Variants in INSR observed in about 807,000 individuals in gnomAD.
INSR encodes the protein insulin receptor, also known as IR.
In INSR, 67 loss-of-function variants were observed where a neutral mutation model predicts 142.6. The ratio of observed to expected loss-of-function variants is 0.47; its 90% CI spans 0.39 to 0.58. The LOEUF (loss-of-function observed/expected upper bound fraction) is 0.58. Among genes scored for constraint, INSR ranks in the 20% least tolerant of loss-of-function variants. INSR has a pLI of 0.00. For synonymous variants in INSR, 756 were observed against 743.1 expected (o/e 1.02, Z -0.28); for missense variants, 1,248 against 1,833.2 (o/e 0.68, Z 5.83).
chr19:7,169,544 C>G (rs1973963697), intron 6 of INSR, among the ~76,000 whole-genome samples: 1 of 147,934 alleles, frequency 6.8e-6, no homozygotes, highest in Non-Finnish European at 1.5e-5. Flanking sequence ...CCACTGCACT[C>G]CAGCCCTGGG....
chr19:7,232,144 G>A (rs1975999648), intron 2 of INSR, among the ~76,000 whole-genome samples: 1 of 152,090 alleles, frequency 6.6e-6, no homozygotes, highest in South Asian at 2.1e-4. Flanking sequence ...TTTCAGTGGT[G>A]GTTACACAGG....
chr19:7,167,858 A>G lies in INSR; in HGVS notation c.1610+110T>C, dbSNP rs1459552999. 3.9e-6 allele frequency: 5 copies of G among 1,286,026 alleles called. No homozygotes were observed. The African/African-American group carries it at 4.4e-5, about 11-fold the overall frequency. The allele number at this position is 1,286,026 out of a possible 1,614,324, so 79.7% of individuals were successfully genotyped here. A position where few individuals can be genotyped will look rare whatever the true frequency, so the allele number is the denominator to read the frequency against. On this transcript the variant is annotated intron_variant, in intron 7 of 21. Coordinates refer to ENST00000302850, the MANE Select transcript of INSR (RefSeq NM_000208.4). ...AACCTAAGATATTTATTCCAGGAGGAGGAGGGAGATAGACAGGAACCCAAG... is the reference window on the plus strand; with the variant it reads ...AACCTAAGATATTTATTCCAGGAGGGGGAGGGAGATAGACAGGAACCCAAG...
At chr19:7,240,998 C>T (rs796338682) in intron 2 of INSR, among the ~76,000 whole-genome samples, 2 of 152,116 alleles carry the variant, frequency 1.3e-5, no homozygotes, top group African/African-American at 4.8e-5. Flanking sequence ...CTGGCATTGA[C>T]GTGTGTACAA....
At position 7,200,299 on chromosome 19, in the gene INSR, T is replaced by C. The variant is rs770553845; in HGVS notation, c.653-15662A>G. ...TGAAGCCATCGGGGAGGTGGAGGTGTCAGGACTTACCTGCTGGATGACGCC... is the reference window on the plus strand; with the variant it reads ...TGAAGCCATCGGGGAGGTGGAGGTGCCAGGACTTACCTGCTGGATGACGCC... On this transcript the variant is annotated intron_variant, in intron 2 of 21. Transcript: ENST00000302850. 5.3e-4 allele frequency among the ~76,000 whole-genome samples: 81 copies of C among 152,074 alleles called. 1 individual carries two copies. Among genetic ancestry groups the C allele is most frequent in the Non-Finnish European group, 1.1e-3 (74 of 68,018 alleles).
intron 13 of INSR, among the ~76,000 whole-genome samples, chr19:7,141,104 G>C: frequency 6.6e-6 from 1 of 152,180 alleles, no homozygotes; most frequent in Admixed American, 6.5e-5. Flanking sequence ...GCGCAATGGT[G>C]CAATCTCTGC....
chr19:7,209,523 T>A lies in INSR; in HGVS notation c.653-24886A>T, dbSNP rs147993395. On this transcript the variant is annotated intron_variant, in intron 2 of 21. Transcript: ENST00000302850. ...GCCTCGACTTCCCAGGCTTAACTGA[T>A]CCTCCTGCCTCAGCCTCTCGAGTAA... is the stretch of plus-strand genomic sequence containing the variant. Among the ~76,000 whole-genome samples the A allele has an allele frequency of 8.1e-3, 1,229 of 152,146 alleles. 13 individuals are homozygous for A. Among genetic ancestry groups the A allele is most frequent in the Middle Eastern group, 0.044 (13 of 294 alleles).
intron 2 of INSR, among the ~76,000 whole-genome samples, chr19:7,204,429 T>C (rs1975048454): frequency 6.6e-6 from 1 of 152,120 alleles, no homozygotes; most frequent in African/African-American, 2.4e-5. Context: ...AGGAGCCTCA[T>C]GGCCTCGTTT....
chr19:7,130,578 G>C (rs1972751987), intron 14 of INSR, among the ~76,000 whole-genome samples: 1 of 152,158 alleles, frequency 6.6e-6, no homozygotes. Context: ...TGTTTAAGAA[G>C]TGTGTAGCAC....
intron 2 of INSR, among the ~76,000 whole-genome samples, chr19:7,236,337 G>A (rs1976158493): frequency 1.3e-5 from 2 of 152,036 alleles, no homozygotes; most frequent in African/African-American, 2.4e-5. Flanking sequence ...GAGATATGAA[G>A]GCATTGGTCC....
rs889017628 is a variant in INSR, at chr19:7,115,352, T to G, written c.*1704A>C. ...GCCCATTCGGAAGTTCTTGGTGGTG[T>G]GTAAGGTCTTTTTCACGGTTTCTCC... On this transcript the variant is annotated 3_prime_UTR_variant, in exon 22 of 22. Coordinates refer to ENST00000302850, the MANE Select transcript of INSR (RefSeq NM_000208.4). 2.0e-5 allele frequency: 3 copies of G among 152,118 alleles called. No homozygotes were observed. Among genetic ancestry groups the G allele is most frequent in the East Asian group, 1.9e-4 (1 of 5,192 alleles). 9.4% of individuals were successfully genotyped at this position (152,118 alleles called of 1,614,324 possible). A position where few individuals can be genotyped will look rare whatever the true frequency, so the allele number is the denominator to read the frequency against.
At chr19:7,151,188 CTT>C (rs1160784032) in intron 10 of INSR, among the ~76,000 whole-genome samples, 1 of 97,706 alleles carries the variant, frequency 1.0e-5, no homozygotes, top group African/African-American at 3.5e-5. Context: ...TTCTTTCTTT[CTT>C]TCTTTCTTTC....
In INSR at chr19:7,125,366, C is replaced by A. The variant is rs1972620504; in HGVS notation, c.3175G>T (p.Val1059Phe). The A allele has an allele frequency of 6.2e-7, 1 of 1,614,142 alleles. No individual in the cohort carries two copies. The highest frequency in any genetic ancestry group is 8.5e-7 in the Non-Finnish European group (1 of 1,180,032). The change falls in exon 17 of 22, where the codon GTC becomes TTC. Residue 1059 changes from valine (V) to phenylalanine (F), a missense_variant. Physicochemically the swap from Val to Phe is conservative, Grantham distance 50 (BLOSUM62 -1). This residue lies in a region of INSR where 1,069 missense variants were observed against 1,654.0 expected (regional missense o/e 0.65). Coordinates refer to ENST00000302850, the MANE Select transcript of INSR (RefSeq NM_000208.4). This position sits in a 1 kb window ranked among gnomAD's most constrained non-coding sequence, Gnocchi z 4.9. ...TCTCGGAGACTGGCTGACTCGTTGA[C>A]CGTCTTCACCGCCACGCGGGTCTCT... ...EAETRVAVKTVNESASLRERI... is the reference protein window; with the variant it reads ...EAETRVAVKTFNESASLRERI...
chr19:7,201,595 AGC>A (rs1974954443), intron 2 of INSR, among the ~76,000 whole-genome samples: 1 of 151,664 alleles, frequency 6.6e-6, no homozygotes, highest in Admixed American at 6.6e-5. Context: ...ACTGCACTCC[AGC>A]CTGGGCGACC....
intron 1 of INSR, among the ~76,000 whole-genome samples, chr19:7,270,879 T>C (rs1967905882): frequency 6.6e-6 from 1 of 151,708 alleles, no homozygotes; most frequent in African/African-American, 2.4e-5. Flanking sequence ...GTTAACACGG[T>C]GAAACTCCGT....
At chr19:7,280,213 G>C (rs1038420709) in intron 1 of INSR, among the ~76,000 whole-genome samples, 26 of 151,986 alleles carry the variant, frequency 1.7e-4, no homozygotes, top group African/African-American at 5.3e-4. Context: ...GCAGTGAGTC[G>C]AGACTGCGCC....
At chr19:7,153,370 C>CACACACCACACCCCACACACACCAA (rs1490656300) in intron 9 of INSR, among the ~76,000 whole-genome samples, 2 of 69,406 alleles carry the variant, frequency 2.9e-5, no homozygotes, top group Admixed American at 1.3e-4. Context: ...ACACACCCCA[C>CACACACCACACCCCACACACACCAA]ACACACCATA....
At chr19:7,233,159 A>G (rs1600069312) in intron 2 of INSR, among the ~76,000 whole-genome samples, 1 of 151,968 alleles carries the variant, frequency 6.6e-6, no homozygotes, top group East Asian at 2.0e-4. Context: ...ACACCTGGCT[A>G]ATTTTTGTAT....
intron 2 of INSR, among the ~76,000 whole-genome samples, chr19:7,266,277 T>TG (rs1967721251): frequency 6.6e-6 from 1 of 152,114 alleles, no homozygotes; most frequent in African/African-American, 2.4e-5. Context: ...CAAGAGCCTC[T>TG]GACCCAGAAA....
chr19:7,178,540 G>A (rs532463586), intron 3 of INSR, among the ~76,000 whole-genome samples: 1 of 152,130 alleles, frequency 6.6e-6, no homozygotes, highest in Non-Finnish European at 1.5e-5. Context: ...CCAACATGGT[G>A]AAACCCTGTC....
Sources: allele counts gnomAD v4.1 joint callset (sites outside exome capture counted in the v4.1 genomes callset), GRCh38; gene constraint gnomAD v4.1.1; regional missense constraint gnomAD v4.1.1; non-coding constraint Gnocchi (gnomAD v3.1); transcripts MANE v1.5; gene names NCBI Gene and HGNC (gene_info 2026-07-23, HGNC 2026-07-21).